Variants in OLFM4 observed in about 807,000 individuals in gnomAD.
The protein encoded by OLFM4 is olfactomedin 4, also known as olfactomedin-4.
In OLFM4, 22 loss-of-function variants were observed where a neutral mutation model predicts 25.5. That is an observed-to-expected ratio of 0.86 (90% CI 0.62 to 1.23). The LOEUF (loss-of-function observed/expected upper bound fraction) is 1.23, where lower values mean the gene tolerates loss of function less well. OLFM4 is among the 50% of genes most tolerant of loss of function. The probability of loss-of-function intolerance (pLI) is 0.00; values close to 1 mark genes in which losing one functional copy is unlikely to be tolerated. For missense variants in OLFM4, 594 were observed against 619.4 expected, an observed-to-expected ratio of 0.96 and a Z score of 0.44; for synonymous variants, 255 against 237.7, an observed-to-expected ratio of 1.07 and a Z score of -0.67.
chr13:53,034,392 C>T lies in OLFM4; in HGVS notation c.249C>T (p.Cys83=). ...GCTCCGTGGATGACCGTGGGACCTG[C>T]CAGTGCTCTGTTTCCCTGCCAGACA... ...FTGSVDDRGT[C]QCSVSLPDTT... Residue 83 remains cysteine (C), a synonymous_variant, in exon 2 of 5, where the codon TGC becomes TGT. Transcript: ENST00000219022. 6.2e-7 allele frequency: 1 copy of T among 1,614,054 alleles called. No individual in the cohort carries two copies. The highest frequency in any genetic ancestry group is 8.5e-7 in the Non-Finnish European group (1 of 1,179,966).
In OLFM4 at chr13:53,042,127, G is replaced by A. The variant is rs1249575130; in HGVS notation, c.570+5G>A. On this transcript the variant is annotated splice_donor_5th_base_variant and intron_variant, in intron 3 of 4. Coordinates refer to ENST00000219022, the MANE Select transcript of OLFM4 (RefSeq NM_006418.5). ...GTTGACCAGCTGGAGGTGGAGGTAAGGAGTGAACTCACTTCTTGGTAAATT... is the reference window on the plus strand; with the variant it reads ...GTTGACCAGCTGGAGGTGGAGGTAAAGAGTGAACTCACTTCTTGGTAAATT... The A allele has an allele frequency of 1.2e-6, 2 of 1,612,800 alleles. No homozygotes were observed. Among genetic ancestry groups the A allele is most frequent in the Non-Finnish European group, 1.7e-6 (2 of 1,179,116 alleles).
chr13:53,049,825 C>A, intron 4 of OLFM4, 144 bp from the exon 5 acceptor site: 1 of 796,024 alleles, frequency 1.3e-6, no homozygotes, highest in Non-Finnish European at 2.0e-6. Context: ...GGAGGTTTGG[C>A]TCTTCTCCAT....
intron 2 of OLFM4, among the ~76,000 whole-genome samples, chr13:53,038,647 A>G (rs2138235295): frequency 6.6e-6 from 1 of 152,292 alleles, no homozygotes; most frequent in Middle Eastern, 3.4e-3. Flanking sequence ...AAATGACTGT[A>G]TTTTCCAGAA....
chr13:53,047,387 A>G (rs1304134412), intron 4 of OLFM4, among the ~76,000 whole-genome samples: 1 of 152,100 alleles, frequency 6.6e-6, no homozygotes, highest in Non-Finnish European at 1.5e-5. Context: ...TGCTGCCAGG[A>G]GTCGAGGAAG....
At chr13:53,042,236 G>A in intron 3 of OLFM4, 114 bp downstream of exon 3, 1 of 869,514 alleles carries the variant, frequency 1.2e-6, no homozygotes, top group Non-Finnish European at 1.8e-6. Context: ...ATTCTCTACT[G>A]TCTCATGGCC....
At chr13:53,035,128 C>CAAAT (rs1954651547) in intron 2 of OLFM4, among the ~76,000 whole-genome samples, 1 of 151,740 alleles carries the variant, frequency 6.6e-6, no homozygotes, top group Non-Finnish European at 1.5e-5. Context: ...TCCACTCCTT[C>CAAAT]AAATCCTCTC....
In OLFM4 at chr13:53,050,717, TA is replaced by T. The variant is rs763226488; in HGVS notation, c.1481del (p.Asn494ThrfsTer6). 1 of 1,611,670 alleles carries T rather than the reference TA, an allele frequency of 6.2e-7. No homozygotes were observed. On this transcript the variant is annotated frameshift_variant, in exon 5 of 5. Transcript: ENST00000219022. LOFTEE classifies it high-confidence loss of function. The part of the protein sequence containing the change: ...NPFDQKLYVY[N>X]DGYLLNYDLS... The stretch of plus-strand genomic sequence containing the variant: ...CTTTTGACCAGAAACTTTATGTCTA[TA>T]ACGATGGTTACCTTCTGAATTATGA...
intron 4 of OLFM4, among the ~76,000 whole-genome samples, chr13:53,045,746 C>T (rs1954712559): frequency 6.6e-6 from 1 of 152,136 alleles, no homozygotes. Context: ...TGAATGTATC[C>T]CAGGTTCAAT....
intron 2 of OLFM4, among the ~76,000 whole-genome samples, chr13:53,037,874 A>G (rs369295287): frequency 2.0e-5 from 3 of 152,226 alleles, no homozygotes; most frequent in African/African-American, 4.8e-5. Context: ...CATGAACCAG[A>G]TTAATTCTTT....
chr13:53,031,744 A>G (rs1314047174), intron 1 of OLFM4, among the ~76,000 whole-genome samples: 1 of 152,238 alleles, frequency 6.6e-6, no homozygotes, highest in African/African-American at 2.4e-5. Flanking sequence ...GGCATAGTGT[A>G]GACATCAGTA....
chr13:53,045,223 T>C (rs1954709942), intron 4 of OLFM4, among the ~76,000 whole-genome samples: 1 of 152,048 alleles, frequency 6.6e-6, no homozygotes, highest in South Asian at 2.1e-4. Context: ...GTTGTTTTTG[T>C]TGGATTTTTT....
intron 4 of OLFM4, among the ~76,000 whole-genome samples, chr13:53,043,763 C>G (rs1178200493): frequency 6.6e-6 from 1 of 152,078 alleles, no homozygotes; most frequent in Non-Finnish European, 1.5e-5. Context: ...GCATGCTGAG[C>G]ACCTGCTATA....
chr13:53,029,026 G>A lies in OLFM4; in HGVS notation c.190G>A (p.Gly64Ser), dbSNP rs1392695027. Residue 64 changes from glycine (G) to serine (S), a missense_variant, in exon 1 of 5, where the codon GGT becomes AGT. Gly to Ser is a moderately conservative substitution (Grantham distance 56). Coordinates refer to ENST00000219022, the MANE Select transcript of OLFM4 (RefSeq NM_006418.5). The part of the protein sequence containing the change: ...SSSSRSLGSG[G>S]SVSQLFSNFT... ...CTCCAGCCGCAGCTTAGGCAGCGGAGGTTCTGTGTCCCAGGTGAGGAGGCC... is the reference window on the plus strand; with the variant it reads ...CTCCAGCCGCAGCTTAGGCAGCGGAAGTTCTGTGTCCCAGGTGAGGAGGCC... 1 of 1,614,032 alleles carries A rather than the reference G, an allele frequency of 6.2e-7. No homozygotes were observed. The highest frequency in any genetic ancestry group is 1.7e-5 in the Admixed American group (1 of 60,006).
Position 53,050,840 on chromosome 13 carries a change from A to G in OLFM4, c.*69A>G, listed in dbSNP as rs1286812007. On this transcript the variant is annotated 3_prime_UTR_variant, in exon 5 of 5. Coordinates refer to ENST00000219022, the MANE Select transcript of OLFM4 (RefSeq NM_006418.5). ...AATAGTCTTCTCCACTTACTTAGAT[A>G]TCTGCAGGGGTGTCTAAAAGTGTGT... 7.4e-7 allele frequency: 1 copy of G among 1,345,744 alleles called. No individual in the cohort carries two copies. The highest frequency in any genetic ancestry group is 2.3e-5 in the Admixed American group (1 of 44,330). The allele number at this position is 1,345,744 out of a possible 1,614,324, so 83.4% of individuals were successfully genotyped here.
intron 2 of OLFM4, among the ~76,000 whole-genome samples, chr13:53,040,505 T>G (rs928057154): frequency 1.3e-5 from 2 of 152,242 alleles, no homozygotes; most frequent in Non-Finnish European, 2.9e-5. Context: ...CATTTCTCCC[T>G]TCTCCAGAAA....
At chr13:53,049,859 C>T in intron 4 of OLFM4, 110 bp from the exon 5 acceptor site, 2 of 1,208,062 alleles carry the variant, frequency 1.7e-6, no homozygotes, top group Admixed American at 2.5e-5. Context: ...GTTATTGAAC[C>T]TTGACAGGAA....
intron 2 of OLFM4, among the ~76,000 whole-genome samples, chr13:53,035,435 G>A (rs1332865753): frequency 6.6e-6 from 1 of 152,006 alleles, no homozygotes; most frequent in Admixed American, 6.6e-5. Flanking sequence ...ATCCCCTCAA[G>A]CATTTATCTT....
At position 53,041,997 on chromosome 13, in the gene OLFM4, A is replaced by G; in HGVS notation, c.445A>G (p.Ile149Val). 2 of 1,614,038 alleles carry G rather than the reference A, an allele frequency of 1.2e-6. No homozygotes were observed. Among genetic ancestry groups the G allele is most frequent in the African/African-American group, 1.3e-5 (1 of 75,052 alleles). ...AATTGACATCATGGAGAAGGATACC[A>G]TTTCTTACACTGAACTGGACTTCGA... ...VRIDIMEKDT[I>V]SYTELDFELI... The change falls in exon 3 of 5, where the codon ATT becomes GTT. Residue 149 changes from isoleucine to valine, a missense_variant. Physicochemically the swap from Ile to Val is conservative, Grantham distance 29. Transcript: ENST00000219022.
chr13:53,043,090 T>C lies in OLFM4; in HGVS notation c.571-15T>C, dbSNP rs765988494. On this transcript the variant is annotated splice_polypyrimidine_tract_variant and intron_variant, in intron 3 of 4. Transcript: ENST00000219022. ...CACCATAATATAAAGTCACTCTGAA[T>C]TTTTATTTCCTTAGATAAGAAATAT... The C allele has an allele frequency of 7.6e-6, 12 of 1,570,430 alleles. No individual in the cohort carries two copies. The South Asian group carries it at 1.3e-4, about 17-fold the overall frequency.
Sources: allele counts gnomAD v4.1 joint callset (sites outside exome capture counted in the v4.1 genomes callset), GRCh38; gene constraint gnomAD v4.1.1; transcripts MANE v1.5; gene names NCBI Gene and HGNC (gene_info 2026-07-23, HGNC 2026-07-21).